The following SLC24A2 variants were observed in gnomAD, a reference collection of about 807,000 sequenced individuals.
The protein encoded by SLC24A2 is solute carrier family 24 member 2, also known as sodium/potassium/calcium exchanger 2.
SLC24A2 carries 36 observed loss-of-function variants against 62.0 expected under a neutral mutation model. The observed-to-expected ratio is 0.58, with a 90% CI of 0.44 to 0.77. The LOEUF is 0.77. Ranked by LOEUF, SLC24A2 falls within the 30% of genes least tolerant of loss-of-function variation. The pLI is 0.00. For synonymous variants in SLC24A2, 358 were observed against 294.0 expected, an observed-to-expected ratio of 1.22 and a Z score of -2.23; for missense variants, 846 against 817.9, an observed-to-expected ratio of 1.03 and a Z score of -0.42.
At chr9:19,728,406 A>G (rs1346109965) in intron 2 of SLC24A2, among the ~76,000 whole-genome samples, 3 of 152,108 alleles carry the variant, frequency 2.0e-5, no homozygotes, top group Non-Finnish European at 4.4e-5. Flanking sequence ...CATTAAGGGG[A>G]CTAAGCTGGC....
the SLC24A2 span, among the ~76,000 whole-genome samples, chr9:20,190,604 ATAAT>A: frequency 1.3e-5 from 2 of 152,188 alleles, no homozygotes; most frequent in Non-Finnish European, 2.9e-5. Context: ...GAAAGGTTAA[ATAAT>A]TTCTCCCAGC....
the SLC24A2 span, among the ~76,000 whole-genome samples, chr9:20,257,838 C>T: frequency 9.9e-5 from 15 of 152,164 alleles, no homozygotes; most frequent in South Asian, 2.1e-4. Context: ...TTTTCTAAAA[C>T]GAGTGGGCTC....
At chr9:20,213,672 A>G in the SLC24A2 span, among the ~76,000 whole-genome samples, 1 of 152,212 alleles carries the variant, frequency 6.6e-6, no homozygotes, top group Non-Finnish European at 1.5e-5. Flanking sequence ...ATTTTGTGTT[A>G]ATATAATAAT....
chr9:20,097,478 A>G, the SLC24A2 span, among the ~76,000 whole-genome samples: 4 of 152,126 alleles, frequency 2.6e-5, no homozygotes, highest in South Asian at 8.3e-4. Context: ...AGTCAATTTA[A>G]TGAAGACTAA....
intron 8 of SLC24A2, among the ~76,000 whole-genome samples, chr9:19,545,318 G>T (rs575524471): frequency 6.6e-6 from 1 of 152,132 alleles, no homozygotes; most frequent in East Asian, 1.9e-4. Context: ...ATTCCAGTTA[G>T]CAATTCGCGT....
chr9:19,851,017 ATATATACATATT>A, the SLC24A2 span, among the ~76,000 whole-genome samples: 1 of 56,872 alleles, frequency 1.8e-5, no homozygotes, highest in Non-Finnish European at 3.7e-5. Flanking sequence ...ACATATATAT[ATATATACATATT>A]TTTTTTTTTT....
chr9:19,630,514 C>A (rs1044269246), intron 2 of SLC24A2, among the ~76,000 whole-genome samples: 23 of 152,128 alleles, frequency 1.5e-4, no homozygotes, highest in African/African-American at 4.8e-4. Flanking sequence ...GATTTTTATA[C>A]GTATAACTTT....
the SLC24A2 span, among the ~76,000 whole-genome samples, chr9:20,042,832 T>C: frequency 6.6e-6 from 1 of 152,224 alleles, no homozygotes; most frequent in East Asian, 1.9e-4. Context: ...TTATCTGTTG[T>C]GGTGGTCTGT....
the SLC24A2 span, among the ~76,000 whole-genome samples, chr9:19,912,580 A>C: frequency 6.6e-6 from 1 of 152,098 alleles, no homozygotes; most frequent in Non-Finnish European, 1.5e-5. Context: ...TGGGACCCTC[A>C]CTTGGTCACA....
chr9:19,926,004 G>C, the SLC24A2 span: 1 of 152,094 alleles, frequency 6.6e-6, no homozygotes, highest in African/African-American at 2.4e-5. Flanking sequence ...AAACAAACAA[G>C]CCCTTCCACA....
At chr9:20,151,226 T>C in the SLC24A2 span, among the ~76,000 whole-genome samples, 2 of 151,994 alleles carry the variant, frequency 1.3e-5, no homozygotes, top group Admixed American at 1.3e-4. Flanking sequence ...TTGGCATATA[T>C]CAATTCAAAG....
At chr9:19,856,148 C>A in the SLC24A2 span, among the ~76,000 whole-genome samples, 3 of 152,114 alleles carry the variant, frequency 2.0e-5, no homozygotes, top group South Asian at 6.2e-4. Context: ...ATTTATGTTC[C>A]TCTCTAAACT....
chr9:19,658,018 G>A (rs547433320), intron 2 of SLC24A2, among the ~76,000 whole-genome samples: 1 of 152,298 alleles, frequency 6.6e-6, no homozygotes, highest in African/African-American at 2.4e-5. Flanking sequence ...CTGCTAGACT[G>A]TGAGTTCCCA....
chr9:20,187,464 G>A, the SLC24A2 span, among the ~76,000 whole-genome samples: 85,058 of 151,812 alleles, frequency 0.56, 24,271 homozygotes, highest in Middle Eastern at 0.63. Flanking sequence ...GAATGATCAC[G>A]CTCACTTTGC....
the SLC24A2 span, among the ~76,000 whole-genome samples, chr9:20,214,588 C>A: frequency 1.3e-5 from 2 of 151,712 alleles, no homozygotes; most frequent in Admixed American, 6.6e-5. Flanking sequence ...GCACTCCAGC[C>A]TGGGTGACAG....
rs748510816 is a variant in SLC24A2 at position 19,516,124 on chromosome 9, G to A, written c.*29C>T. 3 of 1,613,640 alleles carry A rather than the reference G, an allele frequency of 1.9e-6. No homozygotes were observed. Among genetic ancestry groups the A allele is most frequent in the East Asian group, 2.2e-5 (1 of 44,888 alleles). ...CCCAGAGTGTGGAGGGACCATTCATGCTGCTGGTGCAAGATATGGCTTTTC... is the reference window on the plus strand; with the variant it reads ...CCCAGAGTGTGGAGGGACCATTCATACTGCTGGTGCAAGATATGGCTTTTC... On this transcript the variant is annotated 3_prime_UTR_variant, in exon 11 of 11. Coordinates refer to ENST00000341998, the MANE Select transcript of SLC24A2 (RefSeq NM_020344.4).
chr9:20,031,403 G>A, the SLC24A2 span, among the ~76,000 whole-genome samples: 1 of 146,986 alleles, frequency 6.8e-6, no homozygotes, highest in Admixed American at 6.8e-5. Context: ...TAAAGTGTGT[G>A]TGTGCGCATA....
the SLC24A2 span, among the ~76,000 whole-genome samples, chr9:20,273,473 G>T: frequency 6.6e-6 from 1 of 152,138 alleles, no homozygotes; most frequent in Non-Finnish European, 1.5e-5. Context: ...GAACCCTGTG[G>T]GAGATGATTG....
intron 2 of SLC24A2, among the ~76,000 whole-genome samples, chr9:19,654,527 C>A (rs952067050): frequency 1.3e-5 from 2 of 152,166 alleles, no homozygotes; most frequent in Non-Finnish European, 1.5e-5. Context: ...TCTTCCCTCT[C>A]CCTTAGATAT....
Sources: allele counts gnomAD v4.1 joint callset (sites outside exome capture counted in the v4.1 genomes callset), GRCh38; gene constraint gnomAD v4.1.1; transcripts MANE v1.5; gene names NCBI Gene and HGNC (gene_info 2026-07-23, HGNC 2026-07-21).